The following HS3ST4 variants were observed in gnomAD, a reference collection of about 807,000 sequenced individuals.
HS3ST4 encodes heparan sulfate glucosamine 3-O-sulfotransferase 4.
A neutral mutation model predicts 29.2 loss-of-function variants in HS3ST4; 17 were observed. The ratio of observed to expected loss-of-function variants is 0.58; its 90% confidence interval spans 0.40 to 0.87. The LOEUF (loss-of-function observed/expected upper bound fraction) is 0.87. HS3ST4 is among the 40% of genes least tolerant of loss of function. The pLI is 0.00. For missense variants in HS3ST4, 627 were observed against 634.5 expected, an observed-to-expected ratio of 0.99 and a Z score of 0.13; for synonymous variants, 314 against 285.7, an observed-to-expected ratio of 1.10 and a Z score of -1.00.
intron 1 of HS3ST4, among the ~76,000 whole-genome samples, chr16:25,749,447 A>G (rs1966705317): frequency 6.6e-6 from 1 of 152,124 alleles, no homozygotes; most frequent in Non-Finnish European, 1.5e-5. Context: ...ATGAGCCATC[A>G]TTGCACCACT....
At chr16:25,701,800 A>G (rs958270192) in intron 1 of HS3ST4, among the ~76,000 whole-genome samples, 2 of 152,268 alleles carry the variant, frequency 1.3e-5, no homozygotes, top group Non-Finnish European at 2.9e-5. Context: ...GTAAATGATC[A>G]CATTGAAAGG....
intron 1 of HS3ST4, among the ~76,000 whole-genome samples, chr16:25,762,168 G>A (rs975058441): frequency 4.7e-4 from 71 of 152,072 alleles, no homozygotes; most frequent in Admixed American, 2.6e-4. Flanking sequence ...GACTGTGCTG[G>A]CACCCTGATC....
chr16:26,123,497 A>T (rs1899303610), intron 1 of HS3ST4, among the ~76,000 whole-genome samples: 1 of 152,186 alleles, frequency 6.6e-6, no homozygotes, highest in Non-Finnish European at 1.5e-5. Context: ...CCTCTCAAAC[A>T]ATTTGTACTA....
intron 1 of HS3ST4, among the ~76,000 whole-genome samples, chr16:25,828,301 C>CCTCTCTCTCTCTCT (rs1196055715): frequency 1.6e-3 from 52 of 32,894 alleles, no homozygotes; most frequent in African/African-American, 2.1e-3. Flanking sequence ...TCTTTCTTTC[C>CCTCTCTCTCTCTCT]CTCTCTCTCT....
At chr16:25,709,664 C>T (rs908506981) in intron 1 of HS3ST4, among the ~76,000 whole-genome samples, 3 of 151,748 alleles carry the variant, frequency 2.0e-5, no homozygotes, top group African/African-American at 7.3e-5. Flanking sequence ...GAAGATTCTG[C>T]ATCTTTTCTT....
chr16:25,970,791 T>TATTC (rs1422527302), intron 1 of HS3ST4, among the ~76,000 whole-genome samples: 2 of 152,188 alleles, frequency 1.3e-5, no homozygotes, highest in Non-Finnish European at 2.9e-5. Flanking sequence ...TTCTTTCATT[T>TATTC]ATTCATTCAT....
intron 1 of HS3ST4, among the ~76,000 whole-genome samples, chr16:25,741,930 T>C (rs4268750): frequency 0.56 from 84,991 of 151,928 alleles, 24,223 homozygotes; most frequent in Non-Finnish European, 0.62. Flanking sequence ...TCCCCTGTTA[T>C]TTACTTTTTA....
intron 1 of HS3ST4, among the ~76,000 whole-genome samples, chr16:25,723,410 C>G (rs371042869): frequency 5.9e-5 from 9 of 152,276 alleles, no homozygotes; most frequent in African/African-American, 2.2e-4. Flanking sequence ...GGATTTCAAC[C>G]AAGCAACCAT....
chr16:26,097,963 G>C (rs1309930844), intron 1 of HS3ST4, among the ~76,000 whole-genome samples: 1 of 152,180 alleles, frequency 6.6e-6, no homozygotes, highest in Admixed American at 6.5e-5. Context: ...CATCTATGCA[G>C]CCAACAGACA....
chr16:25,951,286 G>A (rs1327411551), intron 1 of HS3ST4, among the ~76,000 whole-genome samples: 2 of 152,212 alleles, frequency 1.3e-5, no homozygotes, highest in Non-Finnish European at 2.9e-5. Flanking sequence ...TTGGTTTGGT[G>A]TCTCTGCTCA....
intron 1 of HS3ST4, among the ~76,000 whole-genome samples, chr16:26,035,655 A>G (rs539819005): frequency 6.6e-6 from 1 of 152,150 alleles, no homozygotes; most frequent in Non-Finnish European, 1.5e-5. Flanking sequence ...TCCTGCCAAT[A>G]CCCTAGTTTA....
chr16:26,035,944 A>G (rs908937664), intron 1 of HS3ST4, among the ~76,000 whole-genome samples: 25 of 152,218 alleles, frequency 1.6e-4, no homozygotes, highest in African/African-American at 6.0e-4. Context: ...TCAAAGCCAA[A>G]TACAGGGCTG....
chr16:25,836,466 T>G (rs912934129), intron 1 of HS3ST4, among the ~76,000 whole-genome samples: 3 of 152,244 alleles, frequency 2.0e-5, no homozygotes, highest in Non-Finnish European at 4.4e-5. Context: ...GTGTTTTAAT[T>G]TGTATTTAGC....
At chr16:25,755,035 C>A (rs1407709785) in intron 1 of HS3ST4, among the ~76,000 whole-genome samples, 1 of 151,820 alleles carries the variant, frequency 6.6e-6, no homozygotes, top group Non-Finnish European at 1.5e-5. Context: ...CATCTGCCCA[C>A]CCATCCACCC....
intron 1 of HS3ST4, among the ~76,000 whole-genome samples, chr16:25,874,485 C>T (rs1967808278): frequency 6.6e-6 from 1 of 152,134 alleles, no homozygotes; most frequent in South Asian, 2.1e-4. Context: ...GACTCATGGC[C>T]TCTTCTACTG....
chr16:26,026,496 AG>A lies in HS3ST4; in HGVS notation c.735-109115del, dbSNP rs374346940. On this transcript the variant is annotated intron_variant, in intron 1 of 1. Transcript: ENST00000331351. ...TTCTCCTTTGCTATTATCTTATGTC[AG>A]TTTTCCATGCAGGCTAGCTTTGCCC... 4.2e-4 allele frequency among the ~76,000 whole-genome samples: 64 copies of A among 152,292 alleles called. No individual in the cohort carries two copies. The South Asian group carries it at 0.011, about 27-fold the overall frequency.
chr16:25,947,587 GCCAAACCACAAACGC>G (rs1968641313), intron 1 of HS3ST4, among the ~76,000 whole-genome samples: 1 of 152,026 alleles, frequency 6.6e-6, no homozygotes, highest in African/African-American at 2.4e-5. Flanking sequence ...AAGCAGCCAA[GCCAAACCACAAACGC>G]CCATTTATAG....
At chr16:25,732,761 C>T (rs918273952) in intron 1 of HS3ST4, among the ~76,000 whole-genome samples, 9 of 152,200 alleles carry the variant, frequency 5.9e-5, no homozygotes, top group African/African-American at 2.2e-4. Context: ...CATGGATTAT[C>T]GGAAGCCCTG....
intron 1 of HS3ST4, among the ~76,000 whole-genome samples, chr16:26,059,588 G>A (rs1898451228): frequency 6.6e-6 from 1 of 152,060 alleles, no homozygotes; most frequent in African/African-American, 2.4e-5. Context: ...ATAGTTGCCA[G>A]GTTTCCATCT....
Sources: gnomAD v4.1 joint callset for allele counts (sites outside exome capture counted in the v4.1 genomes callset) on GRCh38, gnomAD v4.1.1 for gene constraint, MANE v1.5 for transcripts, NCBI Gene and HGNC (gene_info 2026-07-23, HGNC 2026-07-21) for gene names.